Variants in ABCB10 observed in about 807,000 individuals in gnomAD.
ABCB10 encodes the protein ATP binding cassette subfamily B member 10.
Under a neutral mutation model 65.4 loss-of-function variants are expected in ABCB10, and 54 were observed. The observed-to-expected ratio is 0.83, with a 90% CI of 0.66 to 1.04. The LOEUF (loss-of-function observed/expected upper bound fraction) is 1.04, where lower values mean the gene tolerates loss of function less well. ABCB10 is among the 50% of genes least tolerant of loss of function. The pLI is 0.00. For synonymous variants in ABCB10, 418 were observed against 406.5 expected (o/e 1.03, Z -0.34); for missense variants, 846 against 976.6 (o/e 0.87, Z 1.78).
In ABCB10 at chr1:229,534,741, C is replaced by A. The variant is rs139671286; in HGVS notation, c.1340-3010G>T. Among the ~76,000 whole-genome samples, 1,373 of 151,776 alleles carry A rather than the reference C, an allele frequency of 9.0e-3. 19 individuals carry two copies. Among genetic ancestry groups the A allele is most frequent in the African/African-American group, 0.031 (1,297 of 41,348 alleles). On this transcript the variant is annotated intron_variant, in intron 6 of 12. Coordinates refer to ENST00000344517, the MANE Select transcript of ABCB10 (RefSeq NM_012089.3). ...AAAAAAATAGCTGGACGCAGTGGCA[C>A]GCACCCGTAGTCCCAGCTACTCGGG...
At chr1:229,552,204 TA>T (rs1663131440) in intron 1 of ABCB10, among the ~76,000 whole-genome samples, 1 of 152,220 alleles carries the variant, frequency 6.6e-6, no homozygotes, top group South Asian at 2.1e-4. Context: ...AAAAGTAAAA[TA>T]TTTTTTGGCT....
At chr1:229,548,345 A>G (rs1245022608) in intron 2 of ABCB10, among the ~76,000 whole-genome samples, 1 of 152,154 alleles carries the variant, frequency 6.6e-6, no homozygotes, top group African/African-American at 2.4e-5. Flanking sequence ...GTTTTATTAC[A>G]TTAACTTCCA....
At position 229,558,131 on chromosome 1, in the gene ABCB10, C is replaced by A; in HGVS notation, c.517+5G>T. The A allele has an allele frequency of 1.4e-6, 2 of 1,393,950 alleles. No homozygotes were observed. Among genetic ancestry groups the A allele is most frequent in the Non-Finnish European group, 1.9e-6 (2 of 1,077,124 alleles). 86.3% of individuals were successfully genotyped at this position (1,393,950 alleles called of 1,614,324 possible). A position where few individuals can be genotyped will look rare whatever the true frequency, so the allele number is the denominator to read the frequency against. ...GCGGAGGGAAGTGGCCGGGGAGGACCCTACCTGCCAGCCTCCGGCGCTCAG... is the reference window on the plus strand; with the variant it reads ...GCGGAGGGAAGTGGCCGGGGAGGACACTACCTGCCAGCCTCCGGCGCTCAG... On this transcript the variant is annotated splice_donor_5th_base_variant and intron_variant, in intron 1 of 12. Transcript: ENST00000344517.
rs1662218500 is a variant in ABCB10, at chr1:229,518,121, T to C, written c.*58A>G. Reference sequence around the variant, plus strand: ...TATGTATTTCATAGTCTCTGAGTTTTTTTTCTGCAACACTGTTTTGCATTA... The same window carrying C: ...TATGTATTTCATAGTCTCTGAGTTTCTTTTCTGCAACACTGTTTTGCATTA... On this transcript the variant is annotated 3_prime_UTR_variant, in exon 13 of 13. Coordinates refer to ENST00000344517, the MANE Select transcript of ABCB10 (RefSeq NM_012089.3). The C allele has an allele frequency of 3.0e-6, 4 of 1,329,564 alleles. No individual in the cohort carries two copies. Among genetic ancestry groups the C allele is most frequent in the Non-Finnish European group, 4.3e-6 (4 of 939,790 alleles). The allele number at this position is 1,329,564 out of a possible 1,614,324, so 82.4% of individuals were successfully genotyped here.
intron 10 of ABCB10, among the ~76,000 whole-genome samples, chr1:229,523,910 C>T (rs1025423391): frequency 5.3e-5 from 8 of 152,108 alleles, no homozygotes; most frequent in Non-Finnish European, 7.4e-5. Context: ...TTCACTTTCA[C>T]ACAGCAGTCA....
At chr1:229,538,105 G>T (rs993263909) in intron 6 of ABCB10, among the ~76,000 whole-genome samples, 1 of 152,176 alleles carries the variant, frequency 6.6e-6, no homozygotes, top group African/African-American at 2.4e-5. Context: ...CGCAGACAAA[G>T]CCTTAGCAGC....
At chr1:229,545,250 G>A (rs1662941068) in intron 3 of ABCB10, among the ~76,000 whole-genome samples, 1 of 152,150 alleles carries the variant, frequency 6.6e-6, no homozygotes, top group African/African-American at 2.4e-5. Context: ...GTGCAGGAAG[G>A]GTCCTCTTCC....
Position 229,529,486 on chromosome 1 carries a change from C to T in ABCB10, c.1645+713G>A, listed in dbSNP as rs566554659. Among the ~76,000 whole-genome samples, 138 of 149,212 alleles carry T rather than the reference C, an allele frequency of 9.2e-4. 1 individual carries two copies. Among genetic ancestry groups the T allele is most frequent in the African/African-American group, 3.2e-3 (131 of 40,568 alleles). ...GAGATCGAGACCATCCTGGCTAACA[C>T]GGTGAAACCCCAACTCTATTAAAAA... On this transcript the variant is annotated intron_variant, in intron 8 of 12. Coordinates refer to ENST00000344517, the MANE Select transcript of ABCB10 (RefSeq NM_012089.3).
chr1:229,521,686 A>C, intron 10 of ABCB10, 51 bp from the exon 11 acceptor site: 1 of 1,598,346 alleles, frequency 6.3e-7, no homozygotes. Flanking sequence ...AAATCTTAGT[A>C]ATAGGCTTTT....
rs372912506 is a variant in ABCB10 at position 229,527,278 on chromosome 1, C to T, written c.1676G>A (p.Arg559His). 30 of 1,613,014 alleles carry T rather than the reference C, an allele frequency of 1.9e-5. No individual in the cohort carries two copies. The highest frequency in any genetic ancestry group is 1.3e-4 in the East Asian group (6 of 44,826). Residue 559 changes from arginine to histidine, a missense_variant, in exon 9 of 13, where the codon CGT becomes CAT. By Grantham distance (29) the Arg-to-His change is conservative (BLOSUM62 0). This residue lies in a region of ABCB10 where 632 missense variants were observed against 803.2 expected (regional missense o/e 0.79). Transcript: ENST00000344517. ...TCTCAGCCACACTGGGTTTAGCTGA[C>T]GGATGTCATGGCCATCAAGACTAAT... is the stretch of plus-strand genomic sequence containing the variant. ...GTISLDGHDI[R>H]QLNPVWLRSK...
At chr1:229,553,165 CA>C (rs1663159683) in intron 1 of ABCB10, among the ~76,000 whole-genome samples, 1 of 151,976 alleles carries the variant, frequency 6.6e-6, no homozygotes, top group African/African-American at 2.4e-5. Flanking sequence ...TTGCCCAGTG[CA>C]ATGGCGCAAT....
intron 7 of ABCB10, 133 bp downstream of exon 7, chr1:229,531,503 G>A (rs575055047): frequency 2.2e-5 from 19 of 858,198 alleles, no homozygotes; most frequent in South Asian, 5.0e-5. Flanking sequence ...CTCCTCACCC[G>A]GCCCGCCATG....
intron 6 of ABCB10, 193 bp from the exon 7 acceptor site, chr1:229,531,924 G>A: frequency 2.5e-6 from 1 of 394,572 alleles, no homozygotes. Flanking sequence ...TTTTCCTTTG[G>A]CTTCTCCTCC....
intron 10 of ABCB10, among the ~76,000 whole-genome samples, chr1:229,524,355 G>T (rs1252263466): frequency 1.3e-5 from 2 of 151,962 alleles, no homozygotes; most frequent in African/African-American, 4.8e-5. Context: ...TAGAGAGGGG[G>T]TCTCACCATG....
chr1:229,544,723 G>A (rs1352350084), intron 3 of ABCB10, among the ~76,000 whole-genome samples: 1 of 152,168 alleles, frequency 6.6e-6, no homozygotes, highest in Non-Finnish European at 1.5e-5. Flanking sequence ...ATTTGGAGAT[G>A]GGGCCTCTAA....
intron 6 of ABCB10, among the ~76,000 whole-genome samples, chr1:229,539,172 A>G (rs1165589334): frequency 6.6e-6 from 1 of 152,104 alleles, no homozygotes; most frequent in Non-Finnish European, 1.5e-5. Context: ...AAGTGAACAA[A>G]TGGTCTGAAG....
chr1:229,528,689 G>A (rs1662499271), intron 8 of ABCB10, among the ~76,000 whole-genome samples: 1 of 151,344 alleles, frequency 6.6e-6, no homozygotes, highest in South Asian at 2.1e-4. Context: ...TTAAATTACA[G>A]AATTTTTTTT....
At chr1:229,540,815 G>A (rs2102699321) in intron 4 of ABCB10, 63 bp from the exon 5 acceptor site, 4 of 1,490,514 alleles carry the variant, frequency 2.7e-6, no homozygotes, top group Non-Finnish European at 3.6e-6. Flanking sequence ...TTCTAAGAAG[G>A]AAAAATAAAA....
chr1:229,523,504 C>T (rs1292406292), intron 10 of ABCB10, among the ~76,000 whole-genome samples: 2 of 152,122 alleles, frequency 1.3e-5, no homozygotes. Flanking sequence ...AAACAGGAAA[C>T]CAGTGCACAC....
Sources: allele counts gnomAD v4.1 joint callset (sites outside exome capture counted in the v4.1 genomes callset), GRCh38; gene constraint gnomAD v4.1.1; regional missense constraint gnomAD v4.1.1; transcripts MANE v1.5; gene names NCBI Gene and HGNC (gene_info 2026-07-23, HGNC 2026-07-21).